The following GAS7 variants were observed in gnomAD, a reference collection of about 807,000 sequenced individuals.
GAS7 encodes the protein growth arrest specific 7, also known as growth arrest-specific protein 7.
Under a neutral mutation model 71.1 loss-of-function variants are expected in GAS7, and 28 were observed. The observed-to-expected ratio is 0.39, with a 90% CI of 0.29 to 0.54. The LOEUF (loss-of-function observed/expected upper bound fraction) is 0.54. Among genes scored for constraint, GAS7 ranks in the 20% least tolerant of loss-of-function variants. GAS7 has a pLI of 0.62. For synonymous variants in GAS7, 258 were observed against 245.8 expected, an observed-to-expected ratio of 1.05 and a Z score of -0.46; for missense variants, 436 against 627.8, an observed-to-expected ratio of 0.69 and a Z score of 3.27.
intron 1 of GAS7, among the ~76,000 whole-genome samples, chr17:10,073,217 C>T (rs193091458): frequency 5.5e-4 from 83 of 152,276 alleles, no homozygotes; most frequent in Non-Finnish European, 9.3e-4. Context: ...GTGGCTCAGC[C>T]GGAGAAACAA....
intron 1 of GAS7, among the ~76,000 whole-genome samples, chr17:10,172,375 G>T (rs1229058445): frequency 2.0e-5 from 3 of 152,172 alleles, no homozygotes; most frequent in African/African-American, 7.2e-5. Flanking sequence ...CAATCATCTT[G>T]TTCACCTCCA....
intron 1 of GAS7, among the ~76,000 whole-genome samples, chr17:10,073,941 A>G (rs1385139567): frequency 2.0e-5 from 3 of 152,138 alleles, no homozygotes; most frequent in African/African-American, 7.2e-5. Flanking sequence ...CCACCTGTTT[A>G]CTTATTTATC....
At chr17:10,118,238 T>TA (rs1673690394) in intron 1 of GAS7, among the ~76,000 whole-genome samples, 1 of 152,144 alleles carries the variant, frequency 6.6e-6, no homozygotes, top group Non-Finnish European at 1.5e-5. Flanking sequence ...CTCAGCCAGG[T>TA]ATTTTTCCGC....
At chr17:10,117,873 C>T (rs2073873979) in intron 1 of GAS7, among the ~76,000 whole-genome samples, 1 of 152,150 alleles carries the variant, frequency 6.6e-6, no homozygotes, top group African/African-American at 2.4e-5. Flanking sequence ...GGCCAACCTG[C>T]ATTCTCAACA....
intron 3 of GAS7, among the ~76,000 whole-genome samples, chr17:9,973,544 G>A (rs943326463): frequency 9.2e-5 from 14 of 152,192 alleles, no homozygotes; most frequent in African/African-American, 3.4e-4. Context: ...ATGAGCCACC[G>A]TGCTGTACTT....
intron 2 of GAS7, among the ~76,000 whole-genome samples, chr17:9,983,572 A>T (rs1032451361): frequency 1.6e-4 from 25 of 152,006 alleles, no homozygotes; most frequent in African/African-American, 6.0e-4. Flanking sequence ...GGATCACTTG[A>T]GGTCAGGGGT....
rs2152129807 is a variant in GAS7 at position 9,981,672 on chromosome 17, T to C, written c.385+132A>G. ...TTGGCAGCAGGCCTAAGGGACCCTC[T>C]CCCAGGCCCAACCCCTCCCTGGGTT... On this transcript the variant is annotated intron_variant, in intron 3 of 13. Transcript: ENST00000432992. The surrounding 1 kb of genome is among the most constrained non-coding windows in gnomAD (Gnocchi z 4.4). The C allele has an allele frequency of 1.5e-6, 1 of 663,354 alleles. No homozygotes were observed. Among genetic ancestry groups the C allele is most frequent in the Non-Finnish European group, 2.7e-6 (1 of 365,874 alleles). The allele number at this position is 663,354 out of a possible 1,614,324, so 41.1% of individuals were successfully genotyped here.
chr17:10,070,167 A>G (rs1385968925), intron 1 of GAS7, among the ~76,000 whole-genome samples: 1 of 151,616 alleles, frequency 6.6e-6, no homozygotes, highest in Non-Finnish European at 1.5e-5. Flanking sequence ...CTAGCTTTCT[A>G]TGCACCCCAC....
At chr17:10,137,830 C>G (rs76743469) in intron 1 of GAS7, among the ~76,000 whole-genome samples, 1 of 151,978 alleles carries the variant, frequency 6.6e-6, no homozygotes, top group Admixed American at 6.6e-5. Flanking sequence ...CGTGAGCTAC[C>G]GCGCCAGACC....
Position 9,916,929 on chromosome 17 carries a change from C to T in GAS7, c.*299G>A, listed in dbSNP as rs1228879926. 5 of 509,142 alleles carry T rather than the reference C, an allele frequency of 9.8e-6. No homozygotes were observed. In the South Asian group the frequency reaches 1.9e-4, roughly 20 times the overall value. 31.5% of individuals were successfully genotyped at this position (509,142 alleles called of 1,614,324 possible). ...GCATGTGACAGTGACCCCTACAAAACTCGGCAAGGACCACAAAGTTCCAGC... is the reference window on the plus strand; with the variant it reads ...GCATGTGACAGTGACCCCTACAAAATTCGGCAAGGACCACAAAGTTCCAGC... On this transcript the variant is annotated 3_prime_UTR_variant, in exon 14 of 14. Transcript: ENST00000432992.
rs147134582 is a variant in GAS7, at chr17:10,109,283, C to T, written c.183+88925G>A. Among the ~76,000 whole-genome samples, 44 of 152,292 alleles carry T rather than the reference C, an allele frequency of 2.9e-4. No individual in the cohort carries two copies. In the East Asian group the frequency reaches 3.5e-3, roughly 12 times the overall value. On this transcript the variant is annotated intron_variant, in intron 1 of 13. Coordinates refer to ENST00000432992, the MANE Select transcript of GAS7 (RefSeq NM_201433.2). ...AGGGAAATTCAAATTAAAACCACAA[C>T]GAGCTATCATCTTACGCCAGAGTTA... is the stretch of plus-strand genomic sequence containing the variant.
At chr17:10,027,987 A>G (rs2072511137) in intron 1 of GAS7, among the ~76,000 whole-genome samples, 1 of 152,176 alleles carries the variant, frequency 6.6e-6, no homozygotes, top group South Asian at 2.1e-4. Context: ...AGGTTTAAAC[A>G]ATTCTCTTGC....
intron 1 of GAS7, among the ~76,000 whole-genome samples, chr17:10,160,936 CCATACA>C (rs757841158): frequency 1.1e-5 from 1 of 93,662 alleles, no homozygotes; most frequent in Non-Finnish European, 2.2e-5. Context: ...GAAATTGAAA[CCATACA>C]CACACACACA....
intron 5 of GAS7, among the ~76,000 whole-genome samples, chr17:9,955,234 G>C (rs2069181678): frequency 6.6e-6 from 1 of 152,146 alleles, no homozygotes; most frequent in South Asian, 2.1e-4. Flanking sequence ...AAGAGAAGGT[G>C]GGACAGGACT....
At chr17:10,024,959 G>A (rs2072410474) in intron 1 of GAS7, among the ~76,000 whole-genome samples, 1 of 152,150 alleles carries the variant, frequency 6.6e-6, no homozygotes, top group Non-Finnish European at 1.5e-5. Context: ...TGCCAGACTG[G>A]ACTGGGTGCT....
intron 1 of GAS7, among the ~76,000 whole-genome samples, chr17:10,056,292 C>T (rs189779991): frequency 3.2e-3 from 494 of 152,062 alleles, no homozygotes; most frequent in Non-Finnish European, 5.4e-3. Context: ...CCCAGGAGTT[C>T]GAAACCAGCC....
At chr17:10,118,540 G>A (rs1391276083) in intron 1 of GAS7, among the ~76,000 whole-genome samples, 2 of 152,140 alleles carry the variant, frequency 1.3e-5, no homozygotes, top group East Asian at 1.9e-4. Flanking sequence ...GTAAAACCCC[G>A]TCTCTACTAA....
chr17:10,189,113 A>T (rs2074478995), intron 1 of GAS7, among the ~76,000 whole-genome samples: 1 of 151,906 alleles, frequency 6.6e-6, no homozygotes, highest in Non-Finnish European at 1.5e-5. Context: ...TTGGGAAGAG[A>T]TTTCTAGTGG....
chr17:10,094,971 T>C (rs1255558106), intron 1 of GAS7, among the ~76,000 whole-genome samples: 1 of 152,114 alleles, frequency 6.6e-6, no homozygotes, highest in Non-Finnish European at 1.5e-5. Flanking sequence ...TTTCCACCCC[T>C]CAGCACTCAA....
Sources: gnomAD v4.1 joint callset for allele counts (sites outside exome capture counted in the v4.1 genomes callset) on GRCh38, gnomAD v4.1.1 for gene constraint, Gnocchi (gnomAD v3.1) non-coding constraint, MANE v1.5 for transcripts, NCBI Gene and HGNC (gene_info 2026-07-23, HGNC 2026-07-21) for gene names.